Variants in NCOA2 observed in about 807,000 individuals in gnomAD.
NCOA2 encodes the protein class E basic helix-loop-helix protein 75.
A neutral mutation model predicts 145.1 loss-of-function variants in NCOA2; 21 were observed. That is an observed-to-expected ratio of 0.14 (90% CI 0.10 to 0.21). NCOA2 has a LOEUF of 0.21. Ranked by LOEUF, NCOA2 falls within the 10% of genes least tolerant of loss-of-function variation. NCOA2 has a pLI of 1.00. For synonymous variants in NCOA2, 619 were observed against 637.5 expected (o/e 0.97, Z 0.44); for missense variants, 1,472 against 1,837.6 (o/e 0.80, Z 3.64).
the NCOA2 span, among the ~76,000 whole-genome samples, chr8:70,456,063 TAAC>T: frequency 6.7e-6 from 1 of 148,798 alleles, no homozygotes; most frequent in Non-Finnish European, 1.5e-5. Context: ...GTAACCATTG[TAAC>T]ATTGCGTAGC....
At chr8:70,292,722 TA>T (rs1826789763) in intron 2 of NCOA2, among the ~76,000 whole-genome samples, 1 of 152,090 alleles carries the variant, frequency 6.6e-6, no homozygotes, top group South Asian at 2.1e-4. Context: ...GGCCTAAGGG[TA>T]AAAGGAAGTC....
chr8:70,179,905 A>G (rs1815283434), intron 4 of NCOA2, among the ~76,000 whole-genome samples: 1 of 152,150 alleles, frequency 6.6e-6, no homozygotes, highest in Non-Finnish European at 1.5e-5. Flanking sequence ...TCTTCCTGCT[A>G]CGCTTTTACC....
intron 1 of NCOA2, chr8:70,402,480 T>G (rs1260146847): frequency 6.6e-6 from 1 of 151,804 alleles, no homozygotes; most frequent in South Asian, 2.1e-4. Context: ...GGAGGGGCCA[T>G]CTAACCAGGG....
intron 4 of NCOA2, among the ~76,000 whole-genome samples, chr8:70,189,126 C>T (rs1041326663): frequency 6.6e-6 from 1 of 152,104 alleles, no homozygotes; most frequent in Non-Finnish European, 1.5e-5. Context: ...CCTCCGGACA[C>T]GCCCAGCCAA....
At chr8:70,400,541 T>TA (rs1189474695) in intron 1 of NCOA2, among the ~76,000 whole-genome samples, 1 of 152,196 alleles carries the variant, frequency 6.6e-6, no homozygotes, top group Non-Finnish European at 1.5e-5. Flanking sequence ...AGAGTGCCCA[T>TA]AAGTAACTAA....
intron 1 of NCOA2, among the ~76,000 whole-genome samples, chr8:70,389,815 C>T (rs1813023571): frequency 6.6e-6 from 1 of 151,836 alleles, no homozygotes; most frequent in Admixed American, 6.6e-5. Flanking sequence ...ATTACAGGTG[C>T]CCACCGCACC....
In NCOA2 at chr8:70,141,391, C is replaced by T. The variant is rs770164408; in HGVS notation, c.2821G>A (p.Gly941Ser). The change falls in exon 14 of 23, where the codon GGT (glycine) becomes AGT (serine). Residue 941 changes from glycine to serine, a missense_variant. This residue lies in a region of NCOA2 where 953 missense variants were observed against 1,062.1 expected (regional missense o/e 0.90). Coordinates refer to ENST00000452400, the MANE Select transcript of NCOA2 (RefSeq NM_006540.4). ...ATAGTAGGCCGAGAAGCACTGTTAC[C>T]AATCATTCCTGCATGCAAGCCAAAG... ...NLGNSSTGMI[G>S]NSASRPTMPS... 1.2e-6 allele frequency: 2 copies of T among 1,613,626 alleles called. No homozygotes were observed. Among genetic ancestry groups the T allele is most frequent in the East Asian group, 4.5e-5 (2 of 44,860 alleles).
rs2131090124 is a variant in NCOA2, at chr8:70,110,607, T to G, written c.*3025A>C. 4.8e-6 allele frequency: 1 copy of G among 209,758 alleles called. No individual in the cohort carries two copies. Among genetic ancestry groups the G allele is most frequent in the African/African-American group, 2.3e-5 (1 of 44,246 alleles). The allele number at this position is 209,758 out of a possible 1,614,324, so 13.0% of individuals were successfully genotyped here. A position where few individuals can be genotyped will look rare whatever the true frequency, so the allele number is the denominator to read the frequency against. ...CAAAACTGATTGTGTATCTTTGGGTTCTGCAAGTGGATCTGTGCCACCCAT... is the reference window on the plus strand; with the variant it reads ...CAAAACTGATTGTGTATCTTTGGGTGCTGCAAGTGGATCTGTGCCACCCAT... On this transcript the variant is annotated 3_prime_UTR_variant, in exon 23 of 23. Transcript: ENST00000452400.
At chr8:70,398,982 T>C (rs1223557870) in intron 1 of NCOA2, among the ~76,000 whole-genome samples, 1 of 152,228 alleles carries the variant, frequency 6.6e-6, no homozygotes, top group Non-Finnish European at 1.5e-5. Context: ...AGTTTATCCT[T>C]AAGATTTCCA....
At chr8:70,229,783 C>G (rs567474296) in intron 2 of NCOA2, among the ~76,000 whole-genome samples, 4 of 152,158 alleles carry the variant, frequency 2.6e-5, no homozygotes, top group Admixed American at 1.3e-4. Context: ...AAGGAGACTT[C>G]GGAGGTGAAG....
chr8:70,437,523 A>G, the NCOA2 span, among the ~76,000 whole-genome samples: 2 of 152,250 alleles, frequency 1.3e-5, no homozygotes, highest in African/African-American at 4.8e-5. Flanking sequence ...CGAAGAAATA[A>G]TCTTCAAGTT....
chr8:70,206,210 T>C (rs1818424101), intron 4 of NCOA2, among the ~76,000 whole-genome samples: 1 of 152,220 alleles, frequency 6.6e-6, no homozygotes, highest in Non-Finnish European at 1.5e-5. Flanking sequence ...AACTAAGATA[T>C]TTAAGAATTT....
At chr8:70,253,478 T>C (rs911815473) in intron 2 of NCOA2, among the ~76,000 whole-genome samples, 1 of 152,096 alleles carries the variant, frequency 6.6e-6, no homozygotes, top group African/African-American at 2.4e-5. Context: ...GATACTTGAA[T>C]TAGGGACAAT....
At chr8:70,141,480 C>T (rs1481897746) in intron 13 of NCOA2, 81 bp from the exon 14 acceptor site, 15 of 1,251,058 alleles carry the variant, frequency 1.2e-5, no homozygotes, top group Admixed American at 3.9e-5. Context: ...TGATCTTACC[C>T]TACAAAACAA....
At chr8:70,255,717 C>G (rs1477975918) in intron 2 of NCOA2, among the ~76,000 whole-genome samples, 1 of 152,224 alleles carries the variant, frequency 6.6e-6, no homozygotes, top group Non-Finnish European at 1.5e-5. Flanking sequence ...TCTCAATTCT[C>G]CTCAACACAG....
At position 70,173,684 on chromosome 8, in the gene NCOA2, G is replaced by T. The variant is rs375585182; in HGVS notation, c.363+1072C>A. Among the ~76,000 whole-genome samples the T allele has an allele frequency of 1.4e-4, 22 of 152,266 alleles. No individual in the cohort carries two copies. In the East Asian group the frequency reaches 3.5e-3, roughly 24 times the overall value. ...TGGGACATTTAAAGCCTTTTGGCCA[G>T]CAGGTCCAGCCCCAGGAAATGAAGT... On this transcript the variant is annotated intron_variant, in intron 5 of 22. Coordinates refer to ENST00000452400, the MANE Select transcript of NCOA2 (RefSeq NM_006540.4).
Position 70,144,752 on chromosome 8 carries a change from G to T in NCOA2, c.2702C>A (p.Pro901His). Reference protein sequence around the residue: ...ITLQSPTGAGPFPPIRNSSPY... With the variant: ...ITLQSPTGAGHFPPIRNSSPY... ...ACTACTGTTTCTGATTGGTGGGAAA[G>T]GTCCAGCACCAGTTGGGCTTTGCAA... is the stretch of plus-strand genomic sequence containing the variant. The change falls in exon 13 of 23, where the codon CCT becomes CAT. Residue 901 changes from proline to histidine, a missense_variant. Physicochemically the swap from Pro to His is moderately conservative, Grantham distance 77 (BLOSUM62 -2). Around this residue, in one of 4 missense-constraint regions of NCOA2, gnomAD observed 953 missense variants for 1,062.1 expected, o/e 0.90. Transcript: ENST00000452400. The T allele has an allele frequency of 6.2e-7, 1 of 1,613,982 alleles. No individual in the cohort carries two copies. Among genetic ancestry groups the T allele is most frequent in the East Asian group, 2.2e-5 (1 of 44,882 alleles).
At chr8:70,385,287 TAAC>T (rs1812560541) in intron 1 of NCOA2, among the ~76,000 whole-genome samples, 2 of 152,148 alleles carry the variant, frequency 1.3e-5, no homozygotes, top group South Asian at 4.1e-4. Flanking sequence ...AAAGTGACAA[TAAC>T]AACAGCGAAC....
At chr8:70,443,943 G>T in the NCOA2 span, among the ~76,000 whole-genome samples, 1 of 152,104 alleles carries the variant, frequency 6.6e-6, no homozygotes, top group African/African-American at 2.4e-5. Context: ...TAGATAAATT[G>T]TATAGAACTA....
Sources: gnomAD v4.1 joint callset for allele counts (sites outside exome capture counted in the v4.1 genomes callset) on GRCh38, gnomAD v4.1.1 for gene constraint, gnomAD v4.1.1 regional missense constraint, MANE v1.5 for transcripts, NCBI Gene and HGNC (gene_info 2026-07-23, HGNC 2026-07-21) for gene names.